PSTK: variants seen among roughly 807,000 people sequenced by gnomAD.
The protein encoded by PSTK is L-seryl-tRNA(Sec) kinase.
In PSTK, 26 loss-of-function variants were observed where a neutral mutation model predicts 38.6. That is an observed-to-expected ratio of 0.67 (90% CI 0.49 to 0.94). The LOEUF (loss-of-function observed/expected upper bound fraction) is 0.94. PSTK is among the 40% of genes least tolerant of loss of function. PSTK has a pLI of 0.00. For synonymous variants in PSTK, 181 were observed against 161.7 expected, an observed-to-expected ratio of 1.12 and a Z score of -0.91; for missense variants, 445 against 436.3, an observed-to-expected ratio of 1.02 and a Z score of -0.18.
In PSTK at chr10:122,987,788, A is replaced by G. The variant is rs539881857; in HGVS notation, c.877+826A>G. On this transcript the variant is annotated intron_variant, in intron 5 of 5. Coordinates refer to ENST00000406217, the MANE Select transcript of PSTK (RefSeq NM_001363531.2). The stretch of plus-strand genomic sequence containing the variant: ...CCTATAAGGTAGGTGTAATTTTACA[A>G]ATGGGGAAATGGAAGTTCATAGAGG... Among the ~76,000 whole-genome samples, 18 of 152,320 alleles carry G rather than the reference A, an allele frequency of 1.2e-4. No homozygotes were observed. The East Asian group carries it at 3.1e-3, about 26-fold the overall frequency.
At position 122,980,584 on chromosome 10, in the gene PSTK, G is replaced by A. The variant is rs776373735; in HGVS notation, c.105G>A (p.Ala35=). The A allele has an allele frequency of 8.1e-6, 13 of 1,611,750 alleles. No individual in the cohort carries two copies. Among genetic ancestry groups the A allele is most frequent in the South Asian group, 1.1e-5 (1 of 90,880 alleles). Reference sequence around the variant, plus strand: ...CCGCGGCAGGAAAATCGACTTTCGCGCGCGCCCTCGCCCACCGGCTGCAGC... The same window carrying A: ...CCGCGGCAGGAAAATCGACTTTCGCACGCGCCCTCGCCCACCGGCTGCAGC... ...GLPAAGKSTF[A]RALAHRLQQE... The change falls in exon 1 of 6, where the codon GCG becomes GCA. Residue 35 remains alanine, a synonymous_variant. Transcript: ENST00000406217. This position sits in a 1 kb window ranked among gnomAD's most constrained non-coding sequence, Gnocchi z 4.3.
chr10:122,980,687 C>G lies in PSTK; in HGVS notation c.208C>G (p.Arg70Gly), dbSNP rs772828536. 15 of 1,454,988 alleles carry G rather than the reference C, an allele frequency of 1.0e-5. No individual in the cohort carries two copies. The highest frequency in any genetic ancestry group is 2.0e-5 in the Admixed American group (1 of 51,218). The allele number at this position is 1,454,988 out of a possible 1,614,324, so 90.1% of individuals were successfully genotyped here. The change falls in exon 1 of 6, where the codon CGA (arginine) becomes GGA (glycine). Residue 70 changes from arginine (R) to glycine (G), a missense_variant. By Grantham distance (125) the Arg-to-Gly change is moderately radical. Transcript: ENST00000406217. The surrounding 1 kb of genome is among the most constrained non-coding windows in gnomAD (Gnocchi z 4.3). ...CGCGTTTCTCGCCGGGGCAAGAGCGCGACCGGCGGTCAGCACGGAGGGGCG... is the reference window on the plus strand; with the variant it reads ...CGCGTTTCTCGCCGGGGCAAGAGCGGGACCGGCGGTCAGCACGGAGGGGCG... ...PDAFLAGARA[R>G]PAPSQWKLLR...
intron 1 of PSTK, among the ~76,000 whole-genome samples, chr10:122,981,295 T>C (rs1212162418): frequency 1.3e-5 from 2 of 152,214 alleles, no homozygotes; most frequent in African/African-American, 4.8e-5. Context: ...CTGCCAGCTT[T>C]GGGAAGGATG....
At chr10:122,981,108 C>T (rs554030694) in intron 1 of PSTK, among the ~76,000 whole-genome samples, 1 of 152,250 alleles carries the variant, frequency 6.6e-6, no homozygotes, top group African/African-American at 2.4e-5. Flanking sequence ...AAAACTTGAA[C>T]GTCTAGCTAC....
chr10:122,982,431 G>A (rs1848973399), intron 1 of PSTK: 2 of 335,506 alleles, frequency 6.0e-6, no homozygotes, highest in African/African-American at 2.1e-5. Flanking sequence ...TGCTTAAACT[G>A]TGTAAGCACT....
At chr10:122,988,317 T>TG (rs1037975486) in intron 5 of PSTK, among the ~76,000 whole-genome samples, 99 of 152,092 alleles carry the variant, frequency 6.5e-4, no homozygotes, top group African/African-American at 2.3e-3. Flanking sequence ...TGGGGGATTG[T>TG]GGGGGGTAGG....
intron 3 of PSTK, chr10:122,984,716 TAAAC>T (rs1463766733): frequency 6.6e-6 from 1 of 152,184 alleles, no homozygotes; most frequent in Non-Finnish European, 1.5e-5. Context: ...ACCCTGTCTC[TAAAC>T]AAACAGACTA....
At chr10:122,983,532 T>C (rs1589706890) in intron 3 of PSTK, 62 bp downstream of exon 3, 2 of 1,452,442 alleles carry the variant, frequency 1.4e-6, no homozygotes, top group African/African-American at 2.8e-5. Flanking sequence ...GGTCAGTGCT[T>C]TGTCTATGTT....
rs1848937247 is a variant in PSTK at position 122,980,417 on chromosome 10, C to A, written c.-63C>A. 3 of 1,437,808 alleles carry A rather than the reference C, an allele frequency of 2.1e-6. No individual in the cohort carries two copies. In the South Asian group the frequency reaches 4.1e-5, roughly 20 times the overall value. 89.1% of individuals were successfully genotyped at this position (1,437,808 alleles called of 1,614,324 possible). ...GTAGGCGGCGGAGACGCTGCGCGTG[C>A]GCGCAGGGCAGACGGTAGAGCGGAG... is the stretch of plus-strand genomic sequence containing the variant. On this transcript the variant is annotated 5_prime_UTR_variant, in exon 1 of 6. Coordinates refer to ENST00000406217, the MANE Select transcript of PSTK (RefSeq NM_001363531.2). The surrounding 1 kb of genome is among the most constrained non-coding windows in gnomAD (Gnocchi z 4.3).
chr10:122,986,525 C>A, intron 4 of PSTK, 150 bp downstream of exon 4: 1 of 656,980 alleles, frequency 1.5e-6, no homozygotes. Flanking sequence ...CAGCTCATGC[C>A]GGCTGGGCAA....
chr10:122,982,061 C>T (rs368813623), intron 1 of PSTK: 17 of 152,342 alleles, frequency 1.1e-4, no homozygotes, highest in African/African-American at 4.1e-4. Flanking sequence ...CAGCCCTTGA[C>T]CAGCACAAGA....
intron 5 of PSTK, among the ~76,000 whole-genome samples, chr10:122,989,513 C>T (rs752831399): frequency 6.6e-6 from 1 of 152,022 alleles, no homozygotes; most frequent in African/African-American, 2.4e-5. Context: ...CGGCCACCCA[C>T]AGTGCTGGGA....
chr10:122,989,293 C>G (rs761850477), intron 5 of PSTK, among the ~76,000 whole-genome samples: 9 of 152,060 alleles, frequency 5.9e-5, no homozygotes, highest in Non-Finnish European at 1.3e-4. Context: ...GCTCTGTTGC[C>G]CAGGCTGGAG....
At chr10:122,987,695 A>G (rs1343963136) in intron 5 of PSTK, among the ~76,000 whole-genome samples, 1 of 152,236 alleles carries the variant, frequency 6.6e-6, no homozygotes, top group Non-Finnish European at 1.5e-5. Context: ...AAAACCAGCA[A>G]TGAACATTTT....
intron 5 of PSTK, chr10:122,987,451 T>A: frequency 1.2e-6 from 2 of 1,614,064 alleles, no homozygotes; most frequent in East Asian, 4.5e-5. Context: ...AGCGCAAAGG[T>A]TGGCTGGTTG....
chr10:122,984,506 T>C (rs1474628929), intron 3 of PSTK: 5 of 152,168 alleles, frequency 3.3e-5, no homozygotes, highest in Admixed American at 6.5e-5. Flanking sequence ...AGGAATCTTA[T>C]CTTAAGGTTA....
At chr10:122,988,372 CAGAT>C (rs1204979548) in intron 5 of PSTK, among the ~76,000 whole-genome samples, 1 of 151,738 alleles carries the variant, frequency 6.6e-6, no homozygotes, top group Non-Finnish European at 1.5e-5. Context: ...TAAAAACATA[CAGAT>C]AGAGAGAGAG....
intron 3 of PSTK, chr10:122,984,046 T>C (rs1284002906): frequency 1.3e-5 from 2 of 152,768 alleles, no homozygotes; most frequent in African/African-American, 4.8e-5. Context: ...AAGTAGCTAG[T>C]GTAACTGATG....
At chr10:122,984,183 C>G (rs1273485122) in intron 3 of PSTK, 1 of 152,236 alleles carries the variant, frequency 6.6e-6, no homozygotes, top group East Asian at 1.9e-4. Context: ...GCATATTGTC[C>G]ACGAGGGATC....
Sources: allele counts gnomAD v4.1 joint callset (sites outside exome capture counted in the v4.1 genomes callset), GRCh38; gene constraint gnomAD v4.1.1; non-coding constraint Gnocchi (gnomAD v3.1); transcripts MANE v1.5; gene names NCBI Gene and HGNC (gene_info 2026-07-23, HGNC 2026-07-21).